Variants in FAM81A observed in about 807,000 individuals in gnomAD.
FAM81A encodes protein FAM81A.
In FAM81A, 19 loss-of-function variants were observed where a neutral mutation model predicts 46.7. That is an observed-to-expected ratio of 0.41 (90% confidence interval 0.28 to 0.60). FAM81A has a LOEUF of 0.60. Among genes scored for constraint, FAM81A ranks in the 20% least tolerant of loss-of-function variants. The probability of loss-of-function intolerance (pLI) is 0.34; values close to 1 mark genes in which losing one functional copy is unlikely to be tolerated. For synonymous variants in FAM81A, 183 were observed against 152.9 expected (o/e 1.20, Z -1.45); for missense variants, 377 against 453.5 (o/e 0.83, Z 1.53).
At chr15:59,428,413 A>ATAT (rs143696862) in intron 2 of FAM81A, among the ~76,000 whole-genome samples, 7,644 of 140,560 alleles carry the variant, frequency 0.054, 362 homozygotes, top group African/African-American at 0.13. Context: ...ATTCTTTTTG[A>ATAT]TATTATTATT....
At chr15:59,428,475 A>G (rs1279791249) in intron 2 of FAM81A, among the ~76,000 whole-genome samples, 1 of 149,886 alleles carries the variant, frequency 6.7e-6, no homozygotes, top group African/African-American at 2.4e-5. Context: ...GAGTCTTACT[A>G]TGTTGCCCAG....
chr15:59,402,849 C>G (rs748812220), intron 2 of FAM81A, among the ~76,000 whole-genome samples: 6 of 152,136 alleles, frequency 3.9e-5, no homozygotes, highest in Admixed American at 3.9e-4. Context: ...CCACCACGCC[C>G]GGCCTCTATT....
chr15:59,519,661 A>T, intron 8 of FAM81A, among the ~76,000 whole-genome samples: 1 of 118,456 alleles, frequency 8.4e-6, no homozygotes, highest in Non-Finnish European at 1.7e-5. Context: ...ATCGTGCAGT[A>T]TTTTTCTTTC....
chr15:59,417,703 AG>A (rs2081153043), intron 2 of FAM81A, among the ~76,000 whole-genome samples: 1 of 152,196 alleles, frequency 6.6e-6, no homozygotes, highest in African/African-American at 2.4e-5. Context: ...CAACAGAGTG[AG>A]ACTCTGTCTC....
intron 2 of FAM81A, chr15:59,408,279 G>A (rs2081105402): frequency 6.6e-6 from 1 of 152,276 alleles, no homozygotes; most frequent in Non-Finnish European, 1.5e-5. Flanking sequence ...TGATTGTGGG[G>A]TTGGGGAATC....
At chr15:59,502,712 G>A (rs2082107748) in intron 4 of FAM81A, among the ~76,000 whole-genome samples, 1 of 151,792 alleles carries the variant, frequency 6.6e-6, no homozygotes, top group African/African-American at 2.4e-5. Context: ...AGTAGAGACG[G>A]GGTTTTACCA....
chr15:59,398,860 C>T (rs1427615256), intron 1 of FAM81A, among the ~76,000 whole-genome samples: 2 of 150,602 alleles, frequency 1.3e-5, no homozygotes, highest in African/African-American at 4.9e-5. Flanking sequence ...CTTCCTAGTC[C>T]AAGCTAGTGA....
upstream of FAM81A, among the ~76,000 whole-genome samples, chr15:59,433,942 G>A (rs2081232230): frequency 6.6e-6 from 1 of 152,144 alleles, no homozygotes; most frequent in African/African-American, 2.4e-5. Context: ...TACACCCTCT[G>A]CCTCCCAGGT....
intron 4 of FAM81A, among the ~76,000 whole-genome samples, chr15:59,500,532 C>A (rs540274512): frequency 2.8e-4 from 42 of 151,978 alleles, no homozygotes; most frequent in Non-Finnish European, 5.4e-4. Context: ...AAAGTCCTGG[C>A]CTCAAGCAAT....
chr15:59,455,784 G>A (rs980441630), intron 1 of FAM81A, among the ~76,000 whole-genome samples: 8 of 152,192 alleles, frequency 5.3e-5, no homozygotes, highest in Non-Finnish European at 7.3e-5. Flanking sequence ...AGATGAAATG[G>A]CCTTCAGAGA....
rs2061699570 is a variant in FAM81A, at chr15:59,518,469, C to T, written c.982+1629C>T. 2.6e-5 allele frequency among the ~76,000 whole-genome samples: 4 copies of T among 152,144 alleles called. No homozygotes were observed. The South Asian group carries it at 8.3e-4, about 32-fold the overall frequency. On this transcript the variant is annotated intron_variant, in intron 8 of 8. Coordinates refer to ENST00000288228, the MANE Select transcript of FAM81A (RefSeq NM_152450.3). The stretch of plus-strand genomic sequence containing the variant: ...AGCAGCTAGGACTATGGGCATGTGC[C>T]ACCATGCCCAGCTCATTTTTTTATT...
chr15:59,521,151 A>G, intron 8 of FAM81A, 103 bp from the exon 9 acceptor site: 2 of 1,279,764 alleles, frequency 1.6e-6, no homozygotes, highest in Non-Finnish European at 1.1e-6. Context: ...TTTAGCATCT[A>G]TTAATAATTT....
chr15:59,471,757 C>T (rs1441646222), intron 3 of FAM81A, among the ~76,000 whole-genome samples: 3 of 151,854 alleles, frequency 2.0e-5, no homozygotes, highest in African/African-American at 7.3e-5. Context: ...TGATAATTCT[C>T]ACCAAGCTTG....
At chr15:59,506,088 C>G (rs1179722954) in intron 4 of FAM81A, among the ~76,000 whole-genome samples, 1 of 152,142 alleles carries the variant, frequency 6.6e-6, no homozygotes, top group African/African-American at 2.4e-5. Context: ...TAAGCCAGGC[C>G]TGACTTTCTC....
intron 7 of FAM81A, among the ~76,000 whole-genome samples, chr15:59,515,444 T>A (rs967540954): frequency 3.3e-5 from 5 of 152,026 alleles, no homozygotes; most frequent in African/African-American, 1.2e-4. Context: ...CTGACTCTGC[T>A]CTCTCCAGAT....
rs1366094344 is a variant in FAM81A, at chr15:59,522,145, G to C, written c.*767G>C. ...GCCATATATTTAATAATGGAATGGTGGTTAACAGTCTATTTACTGCACAAT... is the reference window on the plus strand; with the variant it reads ...GCCATATATTTAATAATGGAATGGTCGTTAACAGTCTATTTACTGCACAAT... On this transcript the variant is annotated 3_prime_UTR_variant, in exon 9 of 9. Coordinates refer to ENST00000288228, the MANE Select transcript of FAM81A (RefSeq NM_152450.3). 6.6e-6 allele frequency: 1 copy of C among 152,534 alleles called. No individual in the cohort carries two copies. Among genetic ancestry groups the C allele is most frequent in the African/African-American group, 2.4e-5 (1 of 41,414 alleles). The allele number at this position is 152,534 out of a possible 1,614,324, so 9.4% of individuals were successfully genotyped here. A position where few individuals can be genotyped will look rare whatever the true frequency, so the allele number is the denominator to read the frequency against.
intron 2 of FAM81A, among the ~76,000 whole-genome samples, chr15:59,416,202 G>A (rs1049125247): frequency 6.6e-6 from 1 of 152,200 alleles, no homozygotes; most frequent in African/African-American, 2.4e-5. Context: ...AAGGGTGCAG[G>A]ACATGGGACA....
chr15:59,422,380 C>T (rs909273495), intron 2 of FAM81A, among the ~76,000 whole-genome samples: 8 of 152,084 alleles, frequency 5.3e-5, no homozygotes, highest in African/African-American at 1.9e-4. Flanking sequence ...AGAGTGAGAC[C>T]TTGTCTCTAA....
At chr15:59,411,829 C>T (rs2081121836) in intron 2 of FAM81A, among the ~76,000 whole-genome samples, 1 of 151,940 alleles carries the variant, frequency 6.6e-6, no homozygotes, top group South Asian at 2.1e-4. Flanking sequence ...CAGGAGAGTC[C>T]CTTGAACCCA....
Sources: allele counts gnomAD v4.1 joint callset (sites outside exome capture counted in the v4.1 genomes callset), GRCh38; gene constraint gnomAD v4.1.1; transcripts MANE v1.5; gene names NCBI Gene and HGNC (gene_info 2026-07-23, HGNC 2026-07-21).